The following RORA variants were observed in gnomAD, a reference collection of about 807,000 sequenced individuals.
RORA encodes the protein nuclear receptor ROR-alpha.
RORA carries 7 observed loss-of-function variants against 69.5 expected under a neutral mutation model. The ratio of observed to expected loss-of-function variants is 0.10; its 90% CI spans 0.06 to 0.19. The LOEUF is 0.19. Among genes scored for constraint, RORA ranks in the 10% least tolerant of loss-of-function variants. RORA has a pLI of 1.00. For synonymous variants in RORA, 261 were observed against 240.8 expected (o/e 1.08, Z -0.78); for missense variants, 457 against 663.0 (o/e 0.69, Z 3.41).
At chr15:60,892,762 T>C (rs945162306) in intron 1 of RORA, among the ~76,000 whole-genome samples, 2 of 152,192 alleles carry the variant, frequency 1.3e-5, no homozygotes, top group Admixed American at 6.5e-5. Context: ...TCTTTCCCTA[T>C]CTTACTGTGA....
chr15:60,919,939 A>T (rs776134923), intron 1 of RORA, among the ~76,000 whole-genome samples: 12 of 152,236 alleles, frequency 7.9e-5, no homozygotes, highest in Non-Finnish European at 1.6e-4. Context: ...GTGTTCAACC[A>T]TGCAGGAAAT....
At position 60,971,306 on chromosome 15, in the gene RORA, TC is replaced by T. The variant is rs1270653882; in HGVS notation, c.166+257746del. On this transcript the variant is annotated intron_variant, in intron 1 of 10. Coordinates refer to ENST00000335670, the MANE Select transcript of RORA (RefSeq NM_134261.3). The stretch of plus-strand genomic sequence containing the variant: ...TTTGCTTTAGAGTGTTTGAGTATGT[TC>T]CCTCCTAGACAGTGAGTTCCTTAAG... Among the ~76,000 whole-genome samples the T allele has an allele frequency of 2.6e-5, 4 of 152,180 alleles. No individual in the cohort carries two copies. The East Asian group carries it at 7.7e-4, about 29-fold the overall frequency.
intron 1 of RORA, among the ~76,000 whole-genome samples, chr15:60,794,985 T>C (rs1157976746): frequency 1.3e-5 from 2 of 152,194 alleles, no homozygotes; most frequent in African/African-American, 2.4e-5. Context: ...TGGACCTTAG[T>C]TGCTAAAATG....
At chr15:61,132,290 T>TA (rs1003702364) in intron 1 of RORA, among the ~76,000 whole-genome samples, 2 of 152,182 alleles carry the variant, frequency 1.3e-5, no homozygotes, top group Non-Finnish European at 2.9e-5. Context: ...GTTTTTTTTT[T>TA]ATCTTAACGG....
chr15:61,005,353 G>A (rs569960724), intron 1 of RORA, among the ~76,000 whole-genome samples: 104 of 152,234 alleles, frequency 6.8e-4, no homozygotes, highest in Middle Eastern at 3.4e-3. Context: ...GGTGGCAGGC[G>A]CCTGTAATAC....
intron 1 of RORA, among the ~76,000 whole-genome samples, chr15:60,977,875 G>C (rs1173300023): frequency 6.6e-6 from 1 of 152,138 alleles, no homozygotes; most frequent in Admixed American, 6.5e-5. Context: ...TGGACATGTG[G>C]TTTGTTTCCA....
intron 1 of RORA, among the ~76,000 whole-genome samples, chr15:60,851,226 C>T (rs2073321235): frequency 6.6e-6 from 1 of 152,158 alleles, no homozygotes; most frequent in African/African-American, 2.4e-5. Context: ...TGAGCAGGAG[C>T]TGGATTTCAA....
At chr15:60,682,176 G>A (rs1398113075) in intron 1 of RORA, among the ~76,000 whole-genome samples, 1 of 152,204 alleles carries the variant, frequency 6.6e-6, no homozygotes, top group Non-Finnish European at 1.5e-5. Flanking sequence ...AGGAAATAAG[G>A]ATGTATGAAG....
chr15:60,916,005 T>C (rs1159625434), intron 1 of RORA, among the ~76,000 whole-genome samples: 1 of 152,218 alleles, frequency 6.6e-6, no homozygotes, highest in Non-Finnish European at 1.5e-5. Flanking sequence ...GGTGTTTCTT[T>C]CCCTGATTAA....
At chr15:61,124,164 C>T (rs543909302) in intron 1 of RORA, among the ~76,000 whole-genome samples, 1 of 152,188 alleles carries the variant, frequency 6.6e-6, no homozygotes, top group African/African-American at 2.4e-5. Flanking sequence ...CATTATGCAG[C>T]CTGGCACCCC....
chr15:60,928,594 C>T (rs1225965029), intron 1 of RORA, among the ~76,000 whole-genome samples: 1 of 152,090 alleles, frequency 6.6e-6, no homozygotes, highest in East Asian at 1.9e-4. Context: ...AGCTGTTTTT[C>T]GTTTTCTTAT....
intron 1 of RORA, among the ~76,000 whole-genome samples, chr15:60,888,616 G>T (rs564161319): frequency 3.3e-5 from 5 of 152,124 alleles, no homozygotes; most frequent in Non-Finnish European, 7.4e-5. Context: ...CGTCTGGCCC[G>T]CCCTACACAT....
At chr15:60,527,908 T>C (rs1013320787) in intron 3 of RORA, among the ~76,000 whole-genome samples, 2 of 152,152 alleles carry the variant, frequency 1.3e-5, no homozygotes, top group African/African-American at 4.8e-5. Flanking sequence ...GTTCTCCTTC[T>C]TCCTCAGCAC....
intron 2 of RORA, among the ~76,000 whole-genome samples, chr15:60,629,307 C>G (rs1194148097): frequency 6.6e-6 from 1 of 151,088 alleles, no homozygotes. Context: ...CTGCCTCAGT[C>G]TCCCAAGTAG....
intron 1 of RORA, among the ~76,000 whole-genome samples, chr15:60,688,036 C>A (rs1027007071): frequency 6.6e-6 from 1 of 152,062 alleles, no homozygotes; most frequent in African/African-American, 2.4e-5. Context: ...TGAATATACA[C>A]AAGAGTTATC....
intron 1 of RORA, among the ~76,000 whole-genome samples, chr15:61,190,231 C>T (rs1248524106): frequency 6.6e-6 from 1 of 151,866 alleles, no homozygotes; most frequent in East Asian, 1.9e-4. Flanking sequence ...GTGCTCAGAG[C>T]TAAAATTAGG....
chr15:60,622,872 C>T (rs28495008), intron 2 of RORA, among the ~76,000 whole-genome samples: 12 of 151,926 alleles, frequency 7.9e-5, no homozygotes, highest in Non-Finnish European at 1.5e-4. Context: ...TGCACCACCA[C>T]ACCTGGCTAA....
intron 2 of RORA, among the ~76,000 whole-genome samples, chr15:60,657,944 T>C (rs1253555503): frequency 6.6e-6 from 1 of 152,192 alleles, no homozygotes; most frequent in African/African-American, 2.4e-5. Flanking sequence ...GATTCCTATG[T>C]TGTCTCTTTT....
intron 1 of RORA, among the ~76,000 whole-genome samples, chr15:61,187,565 A>C (rs973878027): frequency 2.6e-5 from 4 of 152,238 alleles, no homozygotes; most frequent in Non-Finnish European, 5.9e-5. Flanking sequence ...CGGCCTCTGC[A>C]TAACAGCCTC....
Sources: allele counts gnomAD v4.1 joint callset (sites outside exome capture counted in the v4.1 genomes callset), GRCh38; gene constraint gnomAD v4.1.1; transcripts MANE v1.5; gene names NCBI Gene and HGNC (gene_info 2026-07-23, HGNC 2026-07-21).